PRKCE: variants seen among roughly 807,000 people sequenced by gnomAD.
PRKCE encodes protein kinase C epsilon.
In PRKCE, 16 loss-of-function variants were observed where a neutral mutation model predicts 85.4. That is an observed-to-expected ratio of 0.19 (90% CI 0.13 to 0.28). The LOEUF (loss-of-function observed/expected upper bound fraction) is 0.28, where lower values mean the gene tolerates loss of function less well. Ranked by LOEUF, PRKCE falls within the 10% of genes least tolerant of loss-of-function variation. The probability of loss-of-function intolerance (pLI) is 1.00; values close to 1 mark genes in which losing one functional copy is unlikely to be tolerated. For missense variants in PRKCE, 573 were observed against 975.2 expected (o/e 0.59, Z 5.49); for synonymous variants, 388 against 371.5 (o/e 1.04, Z -0.51).
chr2:45,882,026 G>A (rs1342753410), intron 2 of PRKCE, among the ~76,000 whole-genome samples: 1 of 152,192 alleles, frequency 6.6e-6, no homozygotes. Flanking sequence ...GGCCAGGGGG[G>A]AAAGGTGTTT....
intron 1 of PRKCE, among the ~76,000 whole-genome samples, chr2:45,798,789 C>A (rs1215814232): frequency 1.0e-4 from 15 of 149,562 alleles, no homozygotes; most frequent in African/African-American, 3.7e-4. Flanking sequence ...TACCTGTTTT[C>A]AGTGTTTTTA....
chr2:45,764,773 G>A (rs899836801), intron 1 of PRKCE, among the ~76,000 whole-genome samples: 6 of 152,104 alleles, frequency 3.9e-5, no homozygotes, highest in African/African-American at 7.2e-5. Context: ...TTTTGAGCTT[G>A]GAAATTGCCA....
intron 1 of PRKCE, among the ~76,000 whole-genome samples, chr2:45,656,437 G>A (rs945232743): frequency 6.6e-6 from 1 of 152,200 alleles, no homozygotes; most frequent in African/African-American, 2.4e-5. Flanking sequence ...AATGAGAGAT[G>A]TTTCAGTTGT....
chr2:46,124,548 C>A (rs570056602), intron 11 of PRKCE, among the ~76,000 whole-genome samples: 1 of 152,180 alleles, frequency 6.6e-6, no homozygotes, highest in Non-Finnish European at 1.5e-5. Flanking sequence ...CTTGATACTG[C>A]CCTATCACTT....
chr2:45,689,796 G>A (rs1011248475), intron 1 of PRKCE, among the ~76,000 whole-genome samples: 1 of 151,376 alleles, frequency 6.6e-6, no homozygotes, highest in Non-Finnish European at 1.5e-5. Context: ...CTTGGGAGGT[G>A]GAGGCAGGAG....
At chr2:45,928,461 G>T (rs1225475092) in intron 2 of PRKCE, among the ~76,000 whole-genome samples, 1 of 152,092 alleles carries the variant, frequency 6.6e-6, no homozygotes, top group African/African-American at 2.4e-5. Flanking sequence ...TAGAGATGGG[G>T]TTTCGTCATG....
At chr2:45,656,008 A>G (rs1572866198) in intron 1 of PRKCE, among the ~76,000 whole-genome samples, 1 of 152,318 alleles carries the variant, frequency 6.6e-6, no homozygotes, top group East Asian at 1.9e-4. Flanking sequence ...GAATAAAGGC[A>G]GACAATCCTG....
At chr2:46,048,091 G>A (rs967826402) in intron 10 of PRKCE, among the ~76,000 whole-genome samples, 1 of 149,002 alleles carries the variant, frequency 6.7e-6, no homozygotes, top group African/African-American at 2.6e-5. Flanking sequence ...CTCCACAAAT[G>A]AGCCTGCCTG....
At chr2:45,745,372 G>T (rs776597960) in intron 1 of PRKCE, among the ~76,000 whole-genome samples, 5 of 152,066 alleles carry the variant, frequency 3.3e-5, no homozygotes, top group Non-Finnish European at 5.9e-5. Context: ...TCACCCTGGG[G>T]AGGCTTCTTT....
chr2:45,969,879 G>A (rs1701994467), intron 2 of PRKCE, among the ~76,000 whole-genome samples: 1 of 152,102 alleles, frequency 6.6e-6, no homozygotes, highest in Non-Finnish European at 1.5e-5. Flanking sequence ...CATTTCTCCA[G>A]GTTTCTGTGG....
At chr2:46,084,718 CAAAA>C (rs11314680) in intron 10 of PRKCE, among the ~76,000 whole-genome samples, 24 of 92,204 alleles carry the variant, frequency 2.6e-4, no homozygotes, top group Non-Finnish European at 3.8e-4. Flanking sequence ...GAGACTCCAT[CAAAA>C]AAAAAAAAAA....
intron 1 of PRKCE, among the ~76,000 whole-genome samples, chr2:45,760,612 A>T (rs138085858): frequency 2.4e-4 from 36 of 152,342 alleles, no homozygotes; most frequent in Non-Finnish European, 4.7e-4. Context: ...AGGTCCAGTG[A>T]TGTGGCTTTT....
At chr2:46,174,807 C>T (rs1451616865) in intron 14 of PRKCE, among the ~76,000 whole-genome samples, 8 of 152,186 alleles carry the variant, frequency 5.3e-5, no homozygotes, top group East Asian at 3.9e-4. Flanking sequence ...CTCACACCTC[C>T]GCCTCCTGAG....
intron 1 of PRKCE, among the ~76,000 whole-genome samples, chr2:45,816,895 C>T (rs1689090995): frequency 6.6e-6 from 1 of 152,066 alleles, no homozygotes; most frequent in Admixed American, 6.5e-5. Flanking sequence ...TAAAGAGACC[C>T]CCTGCTCGGG....
chr2:45,875,648 G>A (rs1189072944), intron 2 of PRKCE, among the ~76,000 whole-genome samples: 1 of 152,168 alleles, frequency 6.6e-6, no homozygotes, highest in South Asian at 2.1e-4. Context: ...AGACCAGTTG[G>A]GGGTAAAATG....
chr2:45,935,226 G>A (rs1699353294), intron 2 of PRKCE, among the ~76,000 whole-genome samples: 1 of 152,154 alleles, frequency 6.6e-6, no homozygotes, highest in Non-Finnish European at 1.5e-5. Flanking sequence ...TTTTCAGTTT[G>A]AATATTGTTA....
intron 14 of PRKCE, among the ~76,000 whole-genome samples, chr2:46,160,772 A>G (rs1677677932): frequency 6.6e-6 from 1 of 152,082 alleles, no homozygotes; most frequent in Non-Finnish European, 1.5e-5. Context: ...GAACCATCAG[A>G]GAGGAATTCC....
chr2:46,042,236 A>G (rs1205090678), intron 10 of PRKCE, among the ~76,000 whole-genome samples: 1 of 152,122 alleles, frequency 6.6e-6, no homozygotes, highest in African/African-American at 2.4e-5. Flanking sequence ...AGTAACATCC[A>G]CAGCTGACAC....
intron 11 of PRKCE, among the ~76,000 whole-genome samples, chr2:46,135,001 C>G (rs1277548266): frequency 1.3e-5 from 2 of 152,156 alleles, no homozygotes; most frequent in Admixed American, 1.3e-4. Flanking sequence ...TGTAGTGATT[C>G]CAAGGCTTAA....
Sources: allele counts gnomAD v4.1 joint callset (sites outside exome capture counted in the v4.1 genomes callset), GRCh38; gene constraint gnomAD v4.1.1; transcripts MANE v1.5; gene names NCBI Gene and HGNC (gene_info 2026-07-23, HGNC 2026-07-21).